Variants in IGF2BP2 observed in about 807,000 individuals in gnomAD.
The protein encoded by IGF2BP2 is insulin like growth factor 2 mRNA binding protein 2, also known as insulin-like growth factor 2 mRNA-binding protein 2.
IGF2BP2 carries 17 observed loss-of-function variants against 75.8 expected under a neutral mutation model. The observed-to-expected ratio is 0.22, with a 90% CI of 0.15 to 0.34. The LOEUF (loss-of-function observed/expected upper bound fraction) is 0.34, where lower values mean the gene tolerates loss of function less well. Ranked by LOEUF, IGF2BP2 falls within the 10% of genes least tolerant of loss-of-function variation. The pLI, the probability that IGF2BP2 is intolerant of heterozygous loss-of-function variation, is 1.00. For missense variants in IGF2BP2, 516 were observed against 772.4 expected, an observed-to-expected ratio of 0.67 and a Z score of 3.93; for synonymous variants, 288 against 295.6, an observed-to-expected ratio of 0.97 and a Z score of 0.26.
chr3:185,800,214 G>A (rs79493832), intron 2 of IGF2BP2, among the ~76,000 whole-genome samples: 1 of 152,138 alleles, frequency 6.6e-6, no homozygotes, highest in African/African-American at 2.4e-5. Flanking sequence ...ACTCATAGGT[G>A]GGAAATGAAC....
At chr3:185,799,349 T>TCCACTGCA (rs1470209304) in intron 2 of IGF2BP2, among the ~76,000 whole-genome samples, 2 of 152,000 alleles carry the variant, frequency 1.3e-5, no homozygotes, top group Admixed American at 1.3e-4. Flanking sequence ...AGTGAGCAGC[T>TCCACTGCA]CCACTGCACC....
intron 2 of IGF2BP2, among the ~76,000 whole-genome samples, chr3:185,766,174 C>T (rs1222591108): frequency 6.9e-6 from 1 of 145,114 alleles, no homozygotes; most frequent in Non-Finnish European, 1.5e-5. Flanking sequence ...TTTAATTCTA[C>T]TATCAAAGAG....
chr3:185,757,662 G>T (rs545500986), intron 2 of IGF2BP2, among the ~76,000 whole-genome samples: 1 of 151,722 alleles, frequency 6.6e-6, no homozygotes, highest in African/African-American at 2.4e-5. Context: ...ATGGGGTTTC[G>T]CCATGTTGCC....
At chr3:185,680,658 G>A (rs1720236683) in intron 7 of IGF2BP2, among the ~76,000 whole-genome samples, 1 of 152,158 alleles carries the variant, frequency 6.6e-6, no homozygotes, top group South Asian at 2.1e-4. Flanking sequence ...TACAATTAAT[G>A]GGGAGCTGGG....
chr3:185,731,968 C>G (rs1333402051), intron 2 of IGF2BP2, among the ~76,000 whole-genome samples: 2 of 151,426 alleles, frequency 1.3e-5, no homozygotes, highest in African/African-American at 4.9e-5. Flanking sequence ...GGCGACAGAG[C>G]GAGACTCCGT....
intron 6 of IGF2BP2, among the ~76,000 whole-genome samples, chr3:185,687,704 A>G (rs988755141): frequency 3.9e-5 from 6 of 152,252 alleles, no homozygotes; most frequent in Admixed American, 2.6e-4. Context: ...TTTCCTTTCC[A>G]TTGGCAGCCT....
intron 2 of IGF2BP2, among the ~76,000 whole-genome samples, chr3:185,799,387 C>G (rs1183444355): frequency 6.6e-6 from 1 of 152,010 alleles, no homozygotes. Context: ...GGCAACAGAG[C>G]AAGACTGTCA....
At chr3:185,823,765 C>A (rs1159289108) in intron 1 of IGF2BP2, among the ~76,000 whole-genome samples, 1 of 151,870 alleles carries the variant, frequency 6.6e-6, no homozygotes, top group Non-Finnish European at 1.5e-5. Context: ...GGAAGGGGCT[C>A]CCGCCGGGCC....
At chr3:185,722,116 T>TTTG in intron 2 of IGF2BP2, 1 of 333,406 alleles carries the variant, frequency 3.0e-6, no homozygotes, top group Non-Finnish European at 5.8e-6. Context: ...TTTTTTTTTG[T>TTTG]AGAGAGAGTG....
intron 2 of IGF2BP2, among the ~76,000 whole-genome samples, chr3:185,706,066 G>A (rs1324824157): frequency 6.6e-6 from 1 of 152,190 alleles, no homozygotes; most frequent in Admixed American, 6.5e-5. Context: ...ATTCTTAATT[G>A]TTTCCTGTTG....
intron 2 of IGF2BP2, among the ~76,000 whole-genome samples, chr3:185,811,830 G>GTCTCTCTCTGTCTCTCTC: frequency 8.3e-6 from 1 of 120,808 alleles, no homozygotes; most frequent in South Asian, 2.9e-4. Context: ...AGAGTAGGGT[G>GTCTCTCTCTGTCTCTCTC]TCTCTCTCTC....
intron 2 of IGF2BP2, among the ~76,000 whole-genome samples, chr3:185,759,151 A>G (rs1732017703): frequency 6.6e-6 from 1 of 152,232 alleles, no homozygotes; most frequent in South Asian, 2.1e-4. Context: ...TGGGATACCA[A>G]TGCAATACAT....
At chr3:185,741,997 AAAG>A (rs1323307741) in intron 2 of IGF2BP2, among the ~76,000 whole-genome samples, 1 of 152,222 alleles carries the variant, frequency 6.6e-6, no homozygotes, top group Non-Finnish European at 1.5e-5. Context: ...TATAGAAGGA[AAAG>A]AAGAGATAAT....
intron 2 of IGF2BP2, among the ~76,000 whole-genome samples, chr3:185,796,948 T>C (rs1325379514): frequency 6.6e-6 from 1 of 152,102 alleles, no homozygotes; most frequent in African/African-American, 2.4e-5. Context: ...AAAATGCACA[T>C]CAGATTCCAG....
At chr3:185,817,783 C>G (rs1401923429) in intron 2 of IGF2BP2, among the ~76,000 whole-genome samples, 1 of 152,186 alleles carries the variant, frequency 6.6e-6, no homozygotes, top group South Asian at 2.1e-4. Context: ...TGAATGAATA[C>G]CCAAAATAAT....
At chr3:185,736,842 G>C (rs776706455) in intron 2 of IGF2BP2, among the ~76,000 whole-genome samples, 1 of 152,176 alleles carries the variant, frequency 6.6e-6, no homozygotes. Flanking sequence ...TTTTGACCCT[G>C]ATACGCAAAA....
At chr3:185,652,016 G>T (rs967884263) in intron 13 of IGF2BP2, 78 bp downstream of exon 13, 2 of 1,144,674 alleles carry the variant, frequency 1.7e-6, no homozygotes, top group Non-Finnish European at 2.5e-6. Context: ...GGCCTCCAAA[G>T]AAGAGCCTTG....
chr3:185,759,589 T>C (rs1732086768), intron 2 of IGF2BP2, among the ~76,000 whole-genome samples: 1 of 152,160 alleles, frequency 6.6e-6, no homozygotes, highest in African/African-American at 2.4e-5. Context: ...GTGGCAACCA[T>C]CCCTTCCACA....
intron 5 of IGF2BP2, among the ~76,000 whole-genome samples, chr3:185,691,923 G>A (rs923562681): frequency 6.6e-6 from 1 of 152,038 alleles, no homozygotes; most frequent in Admixed American, 6.6e-5. Flanking sequence ...TTTTTTTGTA[G>A]AGACTGGGTC....
Sources: gnomAD v4.1 joint callset for allele counts (sites outside exome capture counted in the v4.1 genomes callset) on GRCh38, gnomAD v4.1.1 for gene constraint, MANE v1.5 for transcripts, NCBI Gene and HGNC (gene_info 2026-07-23, HGNC 2026-07-21) for gene names.